Variants in GSE1 observed in about 807,000 individuals in gnomAD.
GSE1 encodes Gse1 coiled-coil protein.
Under a neutral mutation model 112.6 loss-of-function variants are expected in GSE1, and 32 were observed. The observed-to-expected ratio is 0.28, with a 90% confidence interval of 0.21 to 0.38. GSE1 has a LOEUF of 0.38. Ranked by LOEUF, GSE1 falls within the 10% of genes least tolerant of loss-of-function variation. GSE1 has a pLI of 1.00. For synonymous variants in GSE1, 1,115 were observed against 735.6 expected, an observed-to-expected ratio of 1.52 and a Z score of -8.35; for missense variants, 2,348 against 1,699.2, an observed-to-expected ratio of 1.38 and a Z score of -6.71.
upstream of GSE1, among the ~76,000 whole-genome samples, chr16:85,612,499 T>G (rs2048057269): frequency 6.6e-6 from 1 of 152,240 alleles, no homozygotes; most frequent in Admixed American, 6.5e-5. Context: ...AGCTACTTAA[T>G]GATCCCCCTG....
upstream of GSE1, among the ~76,000 whole-genome samples, chr16:85,606,921 C>T (rs898354490): frequency 6.6e-6 from 1 of 152,240 alleles, no homozygotes; most frequent in Non-Finnish European, 1.5e-5. Context: ...CTGCCTCGGC[C>T]TGGCCCCGCC....
chr16:85,605,255 C>G (rs1415507281), intron 1 of GSE1, among the ~76,000 whole-genome samples: 2 of 151,814 alleles, frequency 1.3e-5, no homozygotes, highest in Admixed American at 1.3e-4. Context: ...TGGTGTGATT[C>G]TTGGAGTGTG....
At chr16:85,527,818 A>C (rs2052412464) in intron 2 of GSE1, among the ~76,000 whole-genome samples, 2 of 152,202 alleles carry the variant, frequency 1.3e-5, no homozygotes, top group Non-Finnish European at 2.9e-5. Context: ...CCGTCGAAGG[A>C]GGGGGATTAA....
intron 1 of GSE1, among the ~76,000 whole-genome samples, chr16:85,578,740 A>G (rs1169531852): frequency 1.3e-5 from 2 of 151,634 alleles, no homozygotes; most frequent in East Asian, 3.9e-4. Flanking sequence ...CTCACCACAC[A>G]TGGCCCCACC....
chr16:85,322,003 C>G (rs1456220398), intron 1 of GSE1, among the ~76,000 whole-genome samples: 1 of 152,200 alleles, frequency 6.6e-6, no homozygotes. Context: ...CTGAGCCTGG[C>G]CGCGGCTCCT....
intron 2 of GSE1, among the ~76,000 whole-genome samples, chr16:85,458,870 A>G (rs548145718): frequency 3.9e-5 from 6 of 152,190 alleles, no homozygotes; most frequent in African/African-American, 1.4e-4. Flanking sequence ...CTAACCCTCC[A>G]TCTAAGGCCA....
At chr16:85,316,910 G>A (rs2045997872) in intron 1 of GSE1, among the ~76,000 whole-genome samples, 1 of 152,150 alleles carries the variant, frequency 6.6e-6, no homozygotes, top group Admixed American at 6.5e-5. Flanking sequence ...AAAACTGAGT[G>A]GGCCACAGAG....
intron 1 of GSE1, among the ~76,000 whole-genome samples, chr16:85,219,170 G>A (rs775650289): frequency 6.6e-6 from 1 of 152,050 alleles, no homozygotes; most frequent in African/African-American, 2.4e-5. Flanking sequence ...GAGCCACCGC[G>A]CCCGGCCTAA....
intron 1 of GSE1, among the ~76,000 whole-genome samples, chr16:85,625,546 G>T (rs1249098457): frequency 1.3e-5 from 2 of 152,322 alleles, no homozygotes; most frequent in East Asian, 1.9e-4. Context: ...CCCTTGCACT[G>T]TCCAATGCTG....
At chr16:85,397,781 C>T (rs951002210) in intron 2 of GSE1, among the ~76,000 whole-genome samples, 42 of 152,194 alleles carry the variant, frequency 2.8e-4, no homozygotes, top group African/African-American at 4.8e-4. Flanking sequence ...TGGAGGAAGG[C>T]GCACATCCCC....
chr16:85,580,591 T>G (rs1464755962), intron 1 of GSE1, among the ~76,000 whole-genome samples: 2 of 152,228 alleles, frequency 1.3e-5, no homozygotes, highest in Non-Finnish European at 2.9e-5. Context: ...AAGGCCTGGC[T>G]GTGGTGGCTG....
intron 2 of GSE1, among the ~76,000 whole-genome samples, chr16:85,645,953 G>A (rs1208948169): frequency 6.7e-6 from 1 of 150,180 alleles, no homozygotes; most frequent in Non-Finnish European, 1.5e-5. Context: ...CATTCTACCT[G>A]CTTCTACCAC....
At chr16:85,366,992 C>T (rs879669102) in intron 2 of GSE1, among the ~76,000 whole-genome samples, 1 of 152,194 alleles carries the variant, frequency 6.6e-6, no homozygotes, top group Admixed American at 6.5e-5. Context: ...AGGGACAGAG[C>T]CGTGTCACCA....
intron 1 of GSE1, among the ~76,000 whole-genome samples, chr16:85,237,711 G>A (rs560491687): frequency 6.6e-6 from 1 of 151,978 alleles, no homozygotes; most frequent in African/African-American, 2.4e-5. Context: ...GGTGGCGGGC[G>A]CCTGTAGTCC....
At chr16:85,390,144 CA>C (rs1247921657) in intron 2 of GSE1, among the ~76,000 whole-genome samples, 2 of 152,184 alleles carry the variant, frequency 1.3e-5, no homozygotes, top group Non-Finnish European at 1.5e-5. Context: ...AATAGTTGTA[CA>C]AAGGGAACTG....
At chr16:85,475,151 C>T (rs1271393901) in intron 2 of GSE1, among the ~76,000 whole-genome samples, 1 of 152,266 alleles carries the variant, frequency 6.6e-6, no homozygotes, top group African/African-American at 2.4e-5. Flanking sequence ...TCCTGCCCCT[C>T]TCAGACAAGG....
intron 1 of GSE1, among the ~76,000 whole-genome samples, chr16:85,556,562 G>T (rs962187764): frequency 2.6e-5 from 4 of 151,606 alleles, no homozygotes; most frequent in African/African-American, 9.6e-5. Flanking sequence ...GCGGCGGGGA[G>T]CGCCCACCTG....
At chr16:85,647,585 G>A (rs1267463549) in intron 2 of GSE1, among the ~76,000 whole-genome samples, 4 of 152,092 alleles carry the variant, frequency 2.6e-5, no homozygotes, top group Non-Finnish European at 4.4e-5. Flanking sequence ...GAGGGGTGCT[G>A]ACCACTTCTT....
At chr16:85,304,606 G>GA (rs35518142) in intron 1 of GSE1, among the ~76,000 whole-genome samples, 5 of 133,672 alleles carry the variant, frequency 3.7e-5, no homozygotes, top group Non-Finnish European at 6.5e-5. Context: ...GGGGGCGGGG[G>GA]GGTGGGGCAT....
Sources: gnomAD v4.1 joint callset for allele counts (sites outside exome capture counted in the v4.1 genomes callset) on GRCh38, gnomAD v4.1.1 for gene constraint, MANE v1.5 for transcripts, NCBI Gene and HGNC (gene_info 2026-07-23, HGNC 2026-07-21) for gene names.